The following ZPBP variants were observed in gnomAD, a reference collection of about 807,000 sequenced individuals.
ZPBP encodes the protein zona pellucida-binding protein 1.
Under a neutral mutation model 44.8 loss-of-function variants are expected in ZPBP, and 26 were observed. The observed-to-expected ratio is 0.58, with a 90% CI of 0.43 to 0.81. The LOEUF (loss-of-function observed/expected upper bound fraction) is 0.81. ZPBP is among the 30% of genes least tolerant of loss of function. The pLI, the probability that ZPBP is intolerant of heterozygous loss-of-function variation, is 0.00. For synonymous variants in ZPBP, 174 were observed against 153.2 expected, an observed-to-expected ratio of 1.14 and a Z score of -1.00; for missense variants, 409 against 434.0, an observed-to-expected ratio of 0.94 and a Z score of 0.51.
intron 6 of ZPBP, among the ~76,000 whole-genome samples, chr7:50,006,603 A>G (rs571123492): frequency 1.3e-5 from 2 of 152,190 alleles, no homozygotes; most frequent in Admixed American, 6.5e-5. Flanking sequence ...TGCTTACACA[A>G]GGAATAAACA....
chr7:49,942,651 C>G (rs914133313), intron 7 of ZPBP: 3 of 152,622 alleles, frequency 2.0e-5, no homozygotes, highest in African/African-American at 7.2e-5. Context: ...TTAATAATGG[C>G]TTTGGTGTGA....
At chr7:49,871,906 TAAACACACACAC>T (rs1791166472) in intron 2 of ZPBP, among the ~76,000 whole-genome samples, 1 of 84,668 alleles carries the variant, frequency 1.2e-5, no homozygotes, top group Non-Finnish European at 2.3e-5. Context: ...TGTGTGTATA[TAAACACACACAC>T]ACACACACAC....
chr7:50,087,875 T>C (rs1802748647), intron 2 of ZPBP, among the ~76,000 whole-genome samples: 1 of 151,996 alleles, frequency 6.6e-6, no homozygotes, highest in South Asian at 2.1e-4. Context: ...ATCTACAGAT[T>C]CAATGAAATC....
At chr7:49,963,076 G>A (rs1795921206) in intron 7 of ZPBP, among the ~76,000 whole-genome samples, 1 of 151,442 alleles carries the variant, frequency 6.6e-6, no homozygotes, top group African/African-American at 2.4e-5. Context: ...GTTCAGAGAA[G>A]AATATATATG....
intron 1 of ZPBP, among the ~76,000 whole-genome samples, chr7:49,930,334 T>C (rs1364667230): frequency 2.6e-5 from 4 of 152,208 alleles, no homozygotes; most frequent in Non-Finnish European, 5.9e-5. Flanking sequence ...TATTTAATTA[T>C]TGTGACTCAT....
At chr7:50,033,792 A>C (rs1171494806) in intron 4 of ZPBP, among the ~76,000 whole-genome samples, 1 of 151,954 alleles carries the variant, frequency 6.6e-6, no homozygotes, top group Non-Finnish European at 1.5e-5. Context: ...TCCCAAGTTC[A>C]AGTGATTCTC....
chr7:49,901,412 G>C (rs1027936228), intron 1 of ZPBP, among the ~76,000 whole-genome samples: 1 of 151,546 alleles, frequency 6.6e-6, no homozygotes, highest in African/African-American at 2.4e-5. Context: ...CTATATACTA[G>C]CAAATGACAA....
At chr7:50,017,863 T>C (rs1798891804) in intron 6 of ZPBP, among the ~76,000 whole-genome samples, 1 of 152,082 alleles carries the variant, frequency 6.6e-6, no homozygotes. Flanking sequence ...ATGCCGGGTA[T>C]GGAGCAAAGC....
At chr7:49,980,250 T>C (rs953367743) in intron 7 of ZPBP, among the ~76,000 whole-genome samples, 12 of 120,226 alleles carry the variant, frequency 1.0e-4, no homozygotes, top group African/African-American at 3.4e-4. Flanking sequence ...AATATAAATA[T>C]ATAATACATA....
At chr7:49,988,198 A>G (rs932799479) in intron 6 of ZPBP, among the ~76,000 whole-genome samples, 2 of 152,194 alleles carry the variant, frequency 1.3e-5, no homozygotes, top group Admixed American at 6.5e-5. Flanking sequence ...TTGCTTTTAA[A>G]AAAATTCTAA....
intron 1 of ZPBP, among the ~76,000 whole-genome samples, chr7:49,931,072 G>A (rs1285692871): frequency 1.3e-5 from 2 of 152,202 alleles, no homozygotes; most frequent in African/African-American, 4.8e-5. Context: ...CATGTAAGAT[G>A]TGACTTTGCT....
intron 6 of ZPBP, among the ~76,000 whole-genome samples, chr7:49,985,194 T>C (rs1475194619): frequency 1.3e-5 from 2 of 152,210 alleles, no homozygotes; most frequent in Non-Finnish European, 1.5e-5. Flanking sequence ...TAAATAATTA[T>C]TATACTTTGT....
At chr7:50,007,837 C>T (rs1406792746) in intron 6 of ZPBP, among the ~76,000 whole-genome samples, 1 of 151,660 alleles carries the variant, frequency 6.6e-6, no homozygotes, top group Non-Finnish European at 1.5e-5. Flanking sequence ...TAATAAAACA[C>T]TAAAAAAACT....
chr7:50,061,879 G>A (rs1478717189), intron 3 of ZPBP, among the ~76,000 whole-genome samples: 12 of 152,186 alleles, frequency 7.9e-5, no homozygotes. Flanking sequence ...GGGCGACAGA[G>A]TGAGATTCCA....
chr7:50,074,111 G>GA (rs967652793), intron 3 of ZPBP, among the ~76,000 whole-genome samples: 2 of 151,898 alleles, frequency 1.3e-5, no homozygotes, highest in Admixed American at 6.6e-5. Flanking sequence ...GATATAAATA[G>GA]AAAAAACAGA....
chr7:50,068,644 T>C (rs746494038), intron 3 of ZPBP, among the ~76,000 whole-genome samples: 2 of 152,162 alleles, frequency 1.3e-5, no homozygotes, highest in Non-Finnish European at 2.9e-5. Flanking sequence ...ATTAGCCTTT[T>C]TAAAGCCTCC....
chr7:49,927,332 T>G (rs1794278553), intron 1 of ZPBP, among the ~76,000 whole-genome samples: 1 of 152,192 alleles, frequency 6.6e-6, no homozygotes, highest in Admixed American at 6.5e-5. Flanking sequence ...TTGGGAAGTA[T>G]GACTTCCAAA....
chr7:49,951,316 G>A lies in ZPBP; in HGVS notation c.962-13694C>T, dbSNP rs894764685. 4.6e-5 allele frequency among the ~76,000 whole-genome samples: 7 copies of A among 151,734 alleles called. No individual in the cohort carries two copies. The East Asian group carries it at 1.2e-3, about 25-fold the overall frequency. On this transcript the variant is annotated intron_variant, in intron 7 of 7. Transcript: ENST00000046087. Reference sequence around the variant, plus strand: ...AATATTTGCAAAGCATATATTTGCTGAGAATCTAATATATAGACTATCTAA... The same window carrying A: ...AATATTTGCAAAGCATATATTTGCTAAGAATCTAATATATAGACTATCTAA...
chr7:49,852,930 T>C (rs1355015147), intron 2 of ZPBP, among the ~76,000 whole-genome samples: 2 of 151,938 alleles, frequency 1.3e-5, no homozygotes, highest in African/African-American at 4.8e-5. Flanking sequence ...CAAGAATGAG[T>C]GTGGAGAAGT....
Sources: gnomAD v4.1 joint callset for allele counts (sites outside exome capture counted in the v4.1 genomes callset) on GRCh38, gnomAD v4.1.1 for gene constraint, MANE v1.5 for transcripts, NCBI Gene and HGNC (gene_info 2026-07-23, HGNC 2026-07-21) for gene names.